Variants in ARVCF observed in about 807,000 individuals in gnomAD.
ARVCF encodes the protein ARVCF delta catenin family member, also known as splicing regulator ARVCF.
A neutral mutation model predicts 90.9 loss-of-function variants in ARVCF; 66 were observed. The ratio of observed to expected loss-of-function variants is 0.73; its 90% CI spans 0.60 to 0.89. The LOEUF (loss-of-function observed/expected upper bound fraction) is 0.89, where lower values mean the gene tolerates loss of function less well. ARVCF is among the 40% of genes least tolerant of loss of function. The pLI, the probability that ARVCF is intolerant of heterozygous loss-of-function variation, is 0.00. For synonymous variants in ARVCF, 653 were observed against 603.4 expected, an observed-to-expected ratio of 1.08 and a Z score of -1.21; for missense variants, 1,469 against 1,382.3, an observed-to-expected ratio of 1.06 and a Z score of -1.00.
intron 14 of ARVCF, 28 bp downstream of exon 14, chr22:19,973,091 C>T: frequency 1.2e-6 from 2 of 1,604,444 alleles, no homozygotes; most frequent in Non-Finnish European, 1.7e-6. Flanking sequence ...CCGCGGCTCC[C>T]CAAGCCACCG....
chr22:19,977,719 A>T (rs989870573), intron 8 of ARVCF, 133 bp from the exon 9 acceptor site: 5 of 1,286,578 alleles, frequency 3.9e-6, no homozygotes, highest in Non-Finnish European at 5.2e-6. Context: ...GGAGGGGAGC[A>T]AAAGGGCGGT....
intron 3 of ARVCF, among the ~76,000 whole-genome samples, chr22:19,989,279 C>G (rs978915802): frequency 6.6e-6 from 1 of 152,098 alleles, no homozygotes; most frequent in African/African-American, 2.4e-5. Context: ...CCTAGTGAGT[C>G]TCGGACCCTC....
rs573763220 is a variant in ARVCF at position 20,003,161 on chromosome 22, A to T, written c.-19+7294T>A. Among the ~76,000 whole-genome samples the T allele has an allele frequency of 2.0e-5, 3 of 152,346 alleles. No homozygotes were observed. The East Asian group carries it at 5.8e-4, about 29-fold the overall frequency. On this transcript the variant is annotated intron_variant, in intron 2 of 19. Coordinates refer to ENST00000263207, the MANE Select transcript of ARVCF (RefSeq NM_001670.3). ...AAAATTTCCTAGAAACACACAACCT[A>T]CCAAGACTGAATCATGAAGAAATAG...
chr22:19,977,148 A>C (rs1454265065), intron 9 of ARVCF, among the ~76,000 whole-genome samples: 1 of 152,184 alleles, frequency 6.6e-6, no homozygotes, highest in Non-Finnish European at 1.5e-5. Context: ...CCCGGAGTAG[A>C]AAGACTGGGT....
intron 2 of ARVCF, among the ~76,000 whole-genome samples, chr22:19,995,593 C>G (rs539770062): frequency 1.3e-5 from 2 of 152,166 alleles, no homozygotes; most frequent in African/African-American, 4.8e-5. Flanking sequence ...TCTTGCCAAC[C>G]CAGACATTCC....
chr22:19,980,076 A>G lies in ARVCF; in HGVS notation c.1063T>C (p.Trp355Arg), dbSNP rs750789579. The G allele has an allele frequency of 1.4e-5, 22 of 1,582,838 alleles. No homozygotes were observed. In the Admixed American group the frequency reaches 3.3e-4, roughly 24 times the overall value. Residue 355 changes from tryptophan to arginine, a missense_variant, in exon 6 of 20, where the codon TGG becomes CGG. By Grantham distance (101) the Trp-to-Arg change is moderately radical. Transcript: ENST00000263207. ...ACCTCAGGCAGCTCAGGGTCCCGCC[A>G]GCGCGGCTCCTTGCGGGCGCTATCC... ...SVDSARKEPR[W>R]RDPELPEVLA... is the part of the protein sequence containing the mutation.
chr22:19,971,267 T>G lies in ARVCF; in HGVS notation c.2850A>C (p.Val950=). 1.3e-6 allele frequency: 2 copies of G among 1,556,522 alleles called. No individual in the cohort carries two copies. Among genetic ancestry groups the G allele is most frequent in the Non-Finnish European group, 1.7e-6 (2 of 1,149,384 alleles). Reference sequence around the variant, plus strand: ...CAACGGGCTGAGGCTTAGCGTCCCCTACGGCGTCCACCAGCCTGACCGCGG... The same window carrying G: ...CAACGGGCTGAGGCTTAGCGTCCCCGACGGCGTCCACCAGCCTGACCGCGG... ...SRPAVRLVDA[V]GDAKPQPVDS... is the part of the protein sequence containing the mutation. The change falls in exon 19 of 20, where the codon GTA becomes GTC. Residue 950 remains valine (V), a synonymous_variant. Coordinates refer to ENST00000263207, the MANE Select transcript of ARVCF (RefSeq NM_001670.3).
At chr22:19,993,163 T>C (rs1170027886) in intron 2 of ARVCF, among the ~76,000 whole-genome samples, 1 of 151,942 alleles carries the variant, frequency 6.6e-6, no homozygotes, top group Non-Finnish European at 1.5e-5. Flanking sequence ...GGAAGTGCCC[T>C]AGGCCCGCAG....
chr22:19,977,516 T>C lies in ARVCF; in HGVS notation c.1769A>G (p.Asp590Gly), dbSNP rs1345004134. 4.4e-6 allele frequency: 7 copies of C among 1,598,072 alleles called. No individual in the cohort carries two copies. The highest frequency in any genetic ancestry group is 6.0e-6 in the Non-Finnish European group (7 of 1,171,396). ...YHVHKEVPGA[D>G]RYQEAEPGPL... ...CCCGGGCTCGGCCTCCTGGTACCTGTCGGCCCCGGGCACCTCCTTGTGCAC... is the reference window on the plus strand; with the variant it reads ...CCCGGGCTCGGCCTCCTGGTACCTGCCGGCCCCGGGCACCTCCTTGTGCAC... The change falls in exon 9 of 20, where the codon GAC becomes GGC. Residue 590 changes from aspartate to glycine, a missense_variant. Coordinates refer to ENST00000263207, the MANE Select transcript of ARVCF (RefSeq NM_001670.3).
rs190544609 is a variant in ARVCF at position 19,973,404 on chromosome 22, C to A, written c.2240-87G>T. ...GATCCCGCGAGGGCGAGGGGCACTG[C>A]CAGGAGAGCCCCTGGAGACCGCCTG... On this transcript the variant is annotated intron_variant, in intron 13 of 19. Coordinates refer to ENST00000263207, the MANE Select transcript of ARVCF (RefSeq NM_001670.3). The A allele has an allele frequency of 4.0e-5, 58 of 1,456,742 alleles. No individual in the cohort carries two copies. The East Asian group carries it at 1.4e-3, about 36-fold the overall frequency. The allele number at this position is 1,456,742 out of a possible 1,614,324, so 90.2% of individuals were successfully genotyped here.
chr22:19,972,260 C>T, intron 17 of ARVCF, 98 bp downstream of exon 17: 3 of 1,519,210 alleles, frequency 2.0e-6, no homozygotes, highest in Non-Finnish European at 2.7e-6. Flanking sequence ...ATCTCTCCTC[C>T]ACCCAGCACC....
chr22:19,983,405 G>A (rs1322670000), intron 3 of ARVCF, among the ~76,000 whole-genome samples: 3 of 152,236 alleles, frequency 2.0e-5, no homozygotes, highest in East Asian at 3.8e-4. Flanking sequence ...CTGCCCTCAG[G>A]ACCTGCCTGC....
rs1353395111 is a variant in ARVCF at position 19,973,176 on chromosome 22, G to A, written c.2381C>T (p.Ala794Val). 4.3e-6 allele frequency: 7 copies of A among 1,610,716 alleles called. No homozygotes were observed. Among genetic ancestry groups the A allele is most frequent in the Non-Finnish European group, 5.9e-6 (7 of 1,179,178 alleles). The change falls in exon 14 of 20, where the codon GCG (alanine) becomes GTG (valine). Residue 794 changes from alanine to valine, a missense_variant. Coordinates refer to ENST00000263207, the MANE Select transcript of ARVCF (RefSeq NM_001670.3). Reference sequence around the variant, plus strand: ...CCCGCGTGCCTGCAGGAGCGAGCGCGCGTTATCCAGGCTGTCGGACACGAT... The same window carrying A: ...CCCGCGTGCCTGCAGGAGCGAGCGCACGTTATCCAGGCTGTCGGACACGAT... ...HEIVSDSLDN[A>V]RSLLQARGVP...
chr22:19,973,702 C>T lies in ARVCF; in HGVS notation c.2180G>A (p.Arg727His). 6.2e-7 allele frequency: 1 copy of T among 1,610,200 alleles called. No homozygotes were observed. Among genetic ancestry groups the T allele is most frequent in the South Asian group, 1.1e-5 (1 of 91,082 alleles). ...LLQSETDKVV[R>H]AVAIALRNLS... ...GTTGCGCAGAGCGATGGCGACGGCG[C>T]GCACCACCTTGTCGGTCTCAGACTG... is the stretch of plus-strand genomic sequence containing the variant. Residue 727 changes from arginine (R) to histidine (H), a missense_variant, in exon 13 of 20, where the codon CGC becomes CAC. Physicochemically the swap from Arg to His is conservative, Grantham distance 29 (BLOSUM62 0). Transcript: ENST00000263207.
intron 3 of ARVCF, among the ~76,000 whole-genome samples, chr22:19,984,595 C>A (rs9606203): frequency 0.24 from 36,147 of 152,152 alleles, 4,950 homozygotes; most frequent in South Asian, 0.33. Flanking sequence ...CATGACCCCT[C>A]AGACAGGGAC....
chr22:19,983,777 G>C (rs1423435023), intron 3 of ARVCF: 1 of 152,306 alleles, frequency 6.6e-6, no homozygotes, highest in Non-Finnish European at 1.5e-5. Context: ...GATGTAGGTG[G>C]AATGCCTGCT....
At chr22:19,978,848 G>A (rs1184556377) in intron 7 of ARVCF, 49 bp downstream of exon 7, 9 of 1,570,032 alleles carry the variant, frequency 5.7e-6, no homozygotes, top group South Asian at 2.3e-5. Flanking sequence ...GGACCACGAG[G>A]ACGGGGCCTG....
At chr22:19,982,310 C>T (rs184957099) in intron 3 of ARVCF, among the ~76,000 whole-genome samples, 1 of 152,332 alleles carries the variant, frequency 6.6e-6, no homozygotes, top group East Asian at 1.9e-4. Flanking sequence ...GCTAACCCTG[C>T]CCCGGCACCC....
At position 19,977,683 on chromosome 22, in the gene ARVCF, G is replaced by C. The variant is rs887287656; in HGVS notation, c.1699-97C>G. 4 of 1,440,654 alleles carry C rather than the reference G, an allele frequency of 2.8e-6. No homozygotes were observed. In the Admixed American group the frequency reaches 7.8e-5, roughly 28 times the overall value. 89.2% of individuals were successfully genotyped at this position (1,440,654 alleles called of 1,614,324 possible). On this transcript the variant is annotated intron_variant, in intron 8 of 19. Coordinates refer to ENST00000263207, the MANE Select transcript of ARVCF (RefSeq NM_001670.3). Reference sequence around the variant, plus strand: ...CAGCTGGTGTGCATGAGGGCACCGGGAGCAAAGGAACAGGGAGTCCTCAGT... The same window carrying C: ...CAGCTGGTGTGCATGAGGGCACCGGCAGCAAAGGAACAGGGAGTCCTCAGT...
Sources: allele counts gnomAD v4.1 joint callset (sites outside exome capture counted in the v4.1 genomes callset), GRCh38; gene constraint gnomAD v4.1.1; transcripts MANE v1.5; gene names NCBI Gene and HGNC (gene_info 2026-07-23, HGNC 2026-07-21).